Variants in CTDSP2 observed in about 807,000 individuals in gnomAD.
CTDSP2 encodes the protein CTD small phosphatase 2.
CTDSP2 carries 9 observed loss-of-function variants against 31.6 expected under a neutral mutation model. That is an observed-to-expected ratio of 0.28 (90% CI 0.17 to 0.50). The LOEUF is 0.50. Ranked by LOEUF, CTDSP2 falls within the 20% of genes least tolerant of loss-of-function variation. The pLI, the probability that CTDSP2 is intolerant of heterozygous loss-of-function variation, is 0.98. For missense variants in CTDSP2, 267 were observed against 348.5 expected (o/e 0.77, Z 1.86); for synonymous variants, 134 against 134.5 (o/e 1.00, Z 0.03).
At position 57,820,985 on chromosome 12, in the gene CTDSP2, C is replaced by G. The variant is rs1223042445; in HGVS notation, c.*2617G>C. The G allele has an allele frequency of 2.0e-5, 3 of 152,210 alleles. No homozygotes were observed. The East Asian group carries it at 5.8e-4, about 29-fold the overall frequency. The allele number at this position is 152,210 out of a possible 1,614,324, so 9.4% of individuals were successfully genotyped here. ...GGCCTATTGCCTCCCAAAGACCAGTCTCAAGTGGGAGGGGCTGATGGTGGG... is the reference window on the plus strand; with the variant it reads ...GGCCTATTGCCTCCCAAAGACCAGTGTCAAGTGGGAGGGGCTGATGGTGGG... On this transcript the variant is annotated 3_prime_UTR_variant, in exon 8 of 8. Transcript: ENST00000398073.
chr12:57,840,008 T>G (rs974338398), intron 1 of CTDSP2, among the ~76,000 whole-genome samples: 8 of 151,974 alleles, frequency 5.3e-5, no homozygotes, highest in African/African-American at 1.7e-4. Flanking sequence ...CTCTGAAAAC[T>G]TTAGGACTCC....
chr12:57,835,478 A>T (rs1956242287), intron 1 of CTDSP2, among the ~76,000 whole-genome samples: 1 of 152,136 alleles, frequency 6.6e-6, no homozygotes, highest in Admixed American at 6.5e-5. Context: ...TTCATTGCAC[A>T]TGGTTTCCCC....
intron 1 of CTDSP2, among the ~76,000 whole-genome samples, chr12:57,837,782 C>T (rs542775718): frequency 6.6e-6 from 1 of 152,242 alleles, no homozygotes; most frequent in South Asian, 2.1e-4. Flanking sequence ...TATGCTGGTG[C>T]CCTCTCTGCA....
At chr12:57,843,444 A>T (rs1956294719) in intron 1 of CTDSP2, among the ~76,000 whole-genome samples, 1 of 152,162 alleles carries the variant, frequency 6.6e-6, no homozygotes, top group African/African-American at 2.4e-5. Context: ...TGCTTTCAGC[A>T]ACTTTGTTCT....
intron 1 of CTDSP2, among the ~76,000 whole-genome samples, chr12:57,832,329 G>C (rs1009335934): frequency 6.6e-6 from 1 of 152,206 alleles, no homozygotes; most frequent in Non-Finnish European, 1.5e-5. Context: ...ATGAAGTTGT[G>C]CTGGGGACAT....
In CTDSP2 at chr12:57,846,605, C is replaced by G; in HGVS notation, c.-170G>C. On this transcript the variant is annotated 5_prime_UTR_variant, in exon 1 of 8. Coordinates refer to ENST00000398073, the MANE Select transcript of CTDSP2 (RefSeq NM_005730.4). Reference sequence around the variant, plus strand: ...CTCCCCGGACCGGGAAGGGAGGCGGCCTGTACAAAGGGCGGGCGGCCCGGG... The same window carrying G: ...CTCCCCGGACCGGGAAGGGAGGCGGGCTGTACAAAGGGCGGGCGGCCCGGG... 1 of 571,366 alleles carries G rather than the reference C, an allele frequency of 1.8e-6. No individual in the cohort carries two copies. Among genetic ancestry groups the G allele is most frequent in the Non-Finnish European group, 2.8e-6 (1 of 353,332 alleles). The allele number at this position is 571,366 out of a possible 1,614,324, so 35.4% of individuals were successfully genotyped here.
intron 1 of CTDSP2, among the ~76,000 whole-genome samples, chr12:57,834,106 C>G (rs900380303): frequency 6.6e-6 from 1 of 152,176 alleles, no homozygotes; most frequent in Non-Finnish European, 1.5e-5. Context: ...GGGTCTCATA[C>G]ACATTTACTT....
chr12:57,846,164 C>T (rs1385156844), intron 1 of CTDSP2, among the ~76,000 whole-genome samples: 1 of 152,202 alleles, frequency 6.6e-6, no homozygotes, highest in Non-Finnish European at 1.5e-5. Flanking sequence ...CGAAGACGCC[C>T]TTTCCGCTCG....
intron 5 of CTDSP2, among the ~76,000 whole-genome samples, chr12:57,826,059 G>A (rs956645221): frequency 3.0e-4 from 46 of 152,276 alleles, no homozygotes; most frequent in South Asian, 1.2e-3. Context: ...GTTAACAAAC[G>A]ATAGCTATTA....
intron 1 of CTDSP2, among the ~76,000 whole-genome samples, chr12:57,835,593 C>G (rs1956243063): frequency 6.6e-6 from 1 of 152,228 alleles, no homozygotes. Flanking sequence ...CCCTCCTCTT[C>G]TGCCCAGATG....
chr12:57,840,026 G>C (rs1565848977), intron 1 of CTDSP2, among the ~76,000 whole-genome samples: 2 of 152,176 alleles, frequency 1.3e-5, no homozygotes, highest in Non-Finnish European at 2.9e-5. Flanking sequence ...TCCCCTTGAA[G>C]AGCCACAGAT....
intron 4 of CTDSP2, 141 bp downstream of exon 4, chr12:57,826,855 G>A (rs1375333608): frequency 1.6e-6 from 1 of 641,746 alleles, no homozygotes; most frequent in East Asian, 2.6e-5. Flanking sequence ...TGTGACACAG[G>A]GTGGCCAAAA....
In CTDSP2 at chr12:57,823,528, T is replaced by C; in HGVS notation, c.*74A>G. 6.4e-7 allele frequency: 1 copy of C among 1,559,536 alleles called. No homozygotes were observed. The highest frequency in any genetic ancestry group is 8.7e-7 in the Non-Finnish European group (1 of 1,147,308). On this transcript the variant is annotated 3_prime_UTR_variant, in exon 8 of 8. Transcript: ENST00000398073. ...TGGTGAGGCACTCCAGCTTCTACTC[T>C]GTCACGCTGATCGTAAAGGCACAGT...
chr12:57,842,137 T>C (rs1417931699), intron 1 of CTDSP2: 1 of 152,078 alleles, frequency 6.6e-6, no homozygotes, highest in South Asian at 2.1e-4. Context: ...AAAAAAAAAT[T>C]GTAGGAGGAA....
At chr12:57,825,400 G>A (rs1956176691) in intron 5 of CTDSP2, among the ~76,000 whole-genome samples, 1 of 152,194 alleles carries the variant, frequency 6.6e-6, no homozygotes, top group Non-Finnish European at 1.5e-5. Flanking sequence ...CCTTGGGCAG[G>A]TAGTGCTCCC....
intron 1 of CTDSP2, among the ~76,000 whole-genome samples, chr12:57,833,182 C>CGGGGGTGAAAGGGGCAGCTGGCT (rs1956227266): frequency 6.6e-6 from 1 of 152,088 alleles, no homozygotes; most frequent in Non-Finnish European, 1.5e-5. Flanking sequence ...TGAGAGGTTG[C>CGGGGGTGAAAGGGGCAGCTGGCT]GGGGGTGAAA....
intron 1 of CTDSP2, among the ~76,000 whole-genome samples, chr12:57,833,583 C>T (rs890451736): frequency 6.6e-6 from 1 of 152,252 alleles, no homozygotes; most frequent in African/African-American, 2.4e-5. Context: ...CCCTGCAAGG[C>T]CTACAATGGC....
chr12:57,846,244 G>C (rs375610893), intron 1 of CTDSP2, 128 bp downstream of exon 1: 1 of 799,914 alleles, frequency 1.3e-6, no homozygotes, highest in African/African-American at 1.8e-5. Context: ...CGGATGGACC[G>C]GAGGGGTCCA....
Position 57,826,381 on chromosome 12 carries a change from T to A in CTDSP2, c.376A>T (p.Ile126Leu). ...GTCCCCTCAATCTCTATAGGCACTA[T>A]GAAGTCAGCATTGTTGATTGGCTGG... Reference protein sequence around the residue: ...SFKPINNADFIVPIEIEGTTH... With the variant: ...SFKPINNADFLVPIEIEGTTH... The change falls in exon 5 of 8, where the codon ATA (isoleucine) becomes TTA (leucine). Residue 126 changes from isoleucine to leucine, a missense_variant. Coordinates refer to ENST00000398073, the MANE Select transcript of CTDSP2 (RefSeq NM_005730.4). 2 of 1,614,152 alleles carry A rather than the reference T, an allele frequency of 1.2e-6. No homozygotes were observed. The highest frequency in any genetic ancestry group is 1.7e-6 in the Non-Finnish European group (2 of 1,180,014).
Sources: gnomAD v4.1 joint callset for allele counts (sites outside exome capture counted in the v4.1 genomes callset) on GRCh38, gnomAD v4.1.1 for gene constraint, MANE v1.5 for transcripts, NCBI Gene and HGNC (gene_info 2026-07-23, HGNC 2026-07-21) for gene names.